The following DCP2 variants were observed in gnomAD, a reference collection of about 807,000 sequenced individuals.
DCP2 encodes m7GpppN-mRNA hydrolase.
DCP2 carries 30 observed loss-of-function variants against 56.1 expected under a neutral mutation model. The observed-to-expected ratio is 0.53, with a 90% confidence interval of 0.40 to 0.73. DCP2 has a LOEUF of 0.73. Among genes scored for constraint, DCP2 ranks in the 30% least tolerant of loss-of-function variants. The pLI is 0.00. For missense variants in DCP2, 533 were observed against 502.7 expected (o/e 1.06, Z -0.58); for synonymous variants, 197 against 163.3 (o/e 1.21, Z -1.57).
rs764554877 is a variant in DCP2, at chr5:113,001,393, C to T, written c.622C>T (p.His208Tyr). 1 of 1,613,792 alleles carries T rather than the reference C, an allele frequency of 6.2e-7. No individual in the cohort carries two copies. The highest frequency in any genetic ancestry group is 2.2e-5 in the East Asian group (1 of 44,868). Residue 208 changes from histidine to tyrosine, a missense_variant, in exon 6 of 11, where the codon CAT (histidine) becomes TAT (tyrosine). By Grantham distance (83) the His-to-Tyr change is moderately conservative (BLOSUM62 2). Transcript: ENST00000389063. ...GTTCTCTATTGAGAAATTGCCTTGT[C>T]ATAGAAATGATATGACCCCCAAATC... is the stretch of plus-strand genomic sequence containing the variant. ...EWFSIEKLPC[H>Y]RNDMTPKSKL...
intron 4 of DCP2, among the ~76,000 whole-genome samples, chr5:112,998,503 C>T (rs149326123): frequency 3.2e-4 from 48 of 152,308 alleles, no homozygotes; most frequent in Non-Finnish European, 5.7e-4. Context: ...GTAGACTGAA[C>T]TCCTTAAAGG....
intron 1 of DCP2, among the ~76,000 whole-genome samples, chr5:112,985,119 C>G (rs541770433): frequency 1.3e-5 from 2 of 152,230 alleles, no homozygotes; most frequent in South Asian, 4.1e-4. Context: ...TAAGTGATAG[C>G]TGCTTAATGA....
rs560569311 is a variant in DCP2 at position 113,015,531 on chromosome 5, T to C, written c.*2047T>C. ...CAACAAATTATCTTTGTGATTACAG[T>C]AGTTTAACTATGGTTAAATGTTACT... is the stretch of plus-strand genomic sequence containing the variant. On this transcript the variant is annotated 3_prime_UTR_variant, in exon 11 of 11. Coordinates refer to ENST00000389063, the MANE Select transcript of DCP2 (RefSeq NM_152624.6). The C allele has an allele frequency of 6.5e-6, 1 of 152,748 alleles. No homozygotes were observed. Among genetic ancestry groups the C allele is most frequent in the South Asian group, 2.1e-4 (1 of 4,830 alleles). The allele number at this position is 152,748 out of a possible 1,614,324, so 9.5% of individuals were successfully genotyped here.
At chr5:112,990,225 C>T (rs1408432366) in intron 2 of DCP2, among the ~76,000 whole-genome samples, 1 of 152,170 alleles carries the variant, frequency 6.6e-6, no homozygotes, top group Non-Finnish European at 1.5e-5. Context: ...AGCATACGTT[C>T]TCGAGCCACA....
At chr5:112,992,399 A>T in intron 3 of DCP2, 151 bp downstream of exon 3, 1 of 1,119,444 alleles carries the variant, frequency 8.9e-7, no homozygotes. Flanking sequence ...TTTTATCCGC[A>T]TGCTATGTCT....
In DCP2 at chr5:113,016,183, T is replaced by C. The variant is rs1444299825; in HGVS notation, c.*2699T>C. ...TACCTAACCATTGTAATCCAAAAGA[T>C]AAGGGTGTGGTTTACATGCTTTTCA... On this transcript the variant is annotated 3_prime_UTR_variant, in exon 11 of 11. Coordinates refer to ENST00000389063, the MANE Select transcript of DCP2 (RefSeq NM_152624.6). The C allele has an allele frequency of 6.6e-6, 1 of 152,606 alleles. No homozygotes were observed. Among genetic ancestry groups the C allele is most frequent in the Non-Finnish European group, 1.5e-5 (1 of 68,012 alleles). 9.5% of individuals were successfully genotyped at this position (152,606 alleles called of 1,614,324 possible). A position where few individuals can be genotyped will look rare whatever the true frequency, so the allele number is the denominator to read the frequency against.
intron 4 of DCP2, 32 bp from the exon 5 acceptor site, chr5:113,001,052 A>C (rs1749154198): frequency 1.3e-6 from 2 of 1,563,328 alleles, no homozygotes; most frequent in South Asian, 1.2e-5. Flanking sequence ...AAGAACTAAA[A>C]TGAAAATTTC....
At chr5:112,997,517 C>T (rs1173147284) in intron 4 of DCP2, among the ~76,000 whole-genome samples, 1 of 152,100 alleles carries the variant, frequency 6.6e-6, no homozygotes, top group Non-Finnish European at 1.5e-5. Flanking sequence ...TTTATTCTGC[C>T]TCTTCCTGTA....
chr5:113,011,671 T>C (rs1006462589), intron 10 of DCP2, among the ~76,000 whole-genome samples: 1 of 152,250 alleles, frequency 6.6e-6, no homozygotes, highest in African/African-American at 2.4e-5. Flanking sequence ...AAAGTTACTG[T>C]TAACTGTGAA....
intron 7 of DCP2, among the ~76,000 whole-genome samples, chr5:113,003,598 C>T (rs556942866): frequency 4.6e-5 from 7 of 152,124 alleles, no homozygotes; most frequent in Admixed American, 1.3e-4. Context: ...AATGTACATT[C>T]GTTTCATCTA....
chr5:112,982,422 T>C (rs1469188218), intron 1 of DCP2, among the ~76,000 whole-genome samples: 1 of 152,218 alleles, frequency 6.6e-6, no homozygotes, highest in Non-Finnish European at 1.5e-5. Flanking sequence ...TTGAATATCA[T>C]GTTTCATCCT....
At chr5:113,000,924 T>C in intron 4 of DCP2, among the ~76,000 whole-genome samples, 160 bp from the exon 5 acceptor site, 1 of 152,206 alleles carries the variant, frequency 6.6e-6, no homozygotes, top group East Asian at 1.9e-4. Flanking sequence ...AAGAACTTTT[T>C]TTACATCTCA....
intron 4 of DCP2, among the ~76,000 whole-genome samples, chr5:112,998,129 A>G (rs1343403112): frequency 6.6e-6 from 1 of 152,222 alleles, no homozygotes; most frequent in African/African-American, 2.4e-5. Flanking sequence ...TGATGAGAAT[A>G]CTTGCCTAAT....
chr5:112,979,642 G>A (rs1747903657), intron 1 of DCP2, among the ~76,000 whole-genome samples: 2 of 152,112 alleles, frequency 1.3e-5, no homozygotes, highest in Admixed American at 1.3e-4. Context: ...CTTGCCTTTT[G>A]ATGTGGAGAG....
intron 1 of DCP2, among the ~76,000 whole-genome samples, chr5:112,979,146 A>G (rs1747876497): frequency 6.6e-6 from 1 of 152,188 alleles, no homozygotes; most frequent in Non-Finnish European, 1.5e-5. Context: ...TGTTAAACAA[A>G]TATTTTTGAA....
Position 113,021,935 on chromosome 5 carries a change from G to C in DCP2, c.*8451G>C, listed in dbSNP as rs1172687441. On this transcript the variant is annotated 3_prime_UTR_variant, in exon 11 of 11. Coordinates refer to ENST00000389063, the MANE Select transcript of DCP2 (RefSeq NM_152624.6). ...AGCCAACTAAAAATGGGCTATAAAT[G>C]AGGGTTCTTTGGCCATTTTGATCTA... Among the ~76,000 whole-genome samples, 1 of 152,180 alleles carries C rather than the reference G, an allele frequency of 6.6e-6. No individual in the cohort carries two copies. Among genetic ancestry groups the C allele is most frequent in the Non-Finnish European group, 1.5e-5 (1 of 68,022 alleles).
chr5:112,999,696 C>A lies in DCP2; in HGVS notation c.433-1388C>A, dbSNP rs530720343. 7.3e-5 allele frequency among the ~76,000 whole-genome samples: 11 copies of A among 150,208 alleles called. No homozygotes were observed. In the East Asian group the frequency reaches 1.8e-3, roughly 24 times the overall value. On this transcript the variant is annotated intron_variant, in intron 4 of 10. Coordinates refer to ENST00000389063, the MANE Select transcript of DCP2 (RefSeq NM_152624.6). ...GACTGGAGTGCACTGGGATGGTGAT[C>A]ACGGTTCACTGTAGCCTGGAACTCC...
At chr5:113,005,142 G>T (rs1749357870) in intron 8 of DCP2, among the ~76,000 whole-genome samples, 1 of 84,634 alleles carries the variant, frequency 1.2e-5, no homozygotes, top group East Asian at 3.8e-4. Flanking sequence ...AAAAAAAAGT[G>T]TGCGTGTGGG....
At position 113,013,643 on chromosome 5, in the gene DCP2, A is replaced by T; in HGVS notation, c.*159A>T. On this transcript the variant is annotated 3_prime_UTR_variant, in exon 11 of 11. Transcript: ENST00000389063. The stretch of plus-strand genomic sequence containing the variant: ...TTATAAGAGAGTAGAAAGAAACACG[A>T]GTTTGCACTGTAAATGCAGTTATAA... 1.2e-6 allele frequency: 1 copy of T among 812,106 alleles called. No individual in the cohort carries two copies. The highest frequency in any genetic ancestry group is 1.9e-6 in the Non-Finnish European group (1 of 521,580). 50.3% of individuals were successfully genotyped at this position (812,106 alleles called of 1,614,324 possible).
Sources: gnomAD v4.1 joint callset for allele counts (sites outside exome capture counted in the v4.1 genomes callset) on GRCh38, gnomAD v4.1.1 for gene constraint, MANE v1.5 for transcripts, NCBI Gene and HGNC (gene_info 2026-07-23, HGNC 2026-07-21) for gene names.